SBNO1: variants seen among roughly 807,000 people sequenced by gnomAD.
SBNO1 encodes protein strawberry notch homolog 1.
In SBNO1, 23 loss-of-function variants were observed where a neutral mutation model predicts 173.6. That is an observed-to-expected ratio of 0.13 (90% CI 0.10 to 0.19). The LOEUF is 0.19. SBNO1 is among the 10% of genes least tolerant of loss of function. The pLI, the probability that SBNO1 is intolerant of heterozygous loss-of-function variation, is 1.00. For synonymous variants in SBNO1, 632 were observed against 571.5 expected (o/e 1.11, Z -1.51); for missense variants, 1,238 against 1,671.2 (o/e 0.74, Z 4.52).
In SBNO1 at chr12:123,328,618, T is replaced by C. The variant is rs1480042422; in HGVS notation, c.1296+116A>G. On this transcript the variant is annotated intron_variant, in intron 10 of 31. Coordinates refer to ENST00000602398, the MANE Select transcript of SBNO1 (RefSeq NM_001167856.3). Reference sequence around the variant, plus strand: ...AATCCCTTTGGACTCTAGGTAATCATTAAAGTTTTCACTCCAGCAACTCGT... The same window carrying C: ...AATCCCTTTGGACTCTAGGTAATCACTAAAGTTTTCACTCCAGCAACTCGT... 39 of 824,436 alleles carry C rather than the reference T, an allele frequency of 4.7e-5. 1 individual carries two copies. The highest frequency in any genetic ancestry group is 6.7e-5 in the Non-Finnish European group (38 of 566,580). The allele number at this position is 824,436 out of a possible 1,614,324, so 51.1% of individuals were successfully genotyped here.
At chr12:123,355,204 A>G (rs1047283822) in intron 1 of SBNO1, among the ~76,000 whole-genome samples, 16 of 152,048 alleles carry the variant, frequency 1.1e-4, no homozygotes, top group African/African-American at 3.9e-4. Context: ...TATTTTTAGT[A>G]GAGACAGGGT....
At chr12:123,316,658 T>C (rs1869309347) in intron 21 of SBNO1, among the ~76,000 whole-genome samples, 1 of 151,524 alleles carries the variant, frequency 6.6e-6, no homozygotes, top group Non-Finnish European at 1.5e-5. Flanking sequence ...TAGCTGGGAC[T>C]ACAGGCACAC....
intron 21 of SBNO1, 82 bp downstream of exon 21, chr12:123,317,139 A>G: frequency 6.8e-7 from 1 of 1,465,692 alleles, no homozygotes; most frequent in Non-Finnish European, 9.5e-7. Flanking sequence ...TGCCCGGCCT[A>G]AACCTAGGTT....
At chr12:123,321,963 G>C (rs980064953) in intron 16 of SBNO1, among the ~76,000 whole-genome samples, 5 of 152,134 alleles carry the variant, frequency 3.3e-5, no homozygotes, top group African/African-American at 1.2e-4. Flanking sequence ...AAAGTACTAA[G>C]TCAAGACTGC....
intron 7 of SBNO1, among the ~76,000 whole-genome samples, chr12:123,333,766 G>C (rs960275823): frequency 3.9e-5 from 6 of 152,024 alleles, no homozygotes; most frequent in Non-Finnish European, 8.8e-5. Flanking sequence ...CCAAACTGTT[G>C]GGATTGCAGA....
In SBNO1 at chr12:123,313,664, G is replaced by A. The variant is rs1868906356; in HGVS notation, c.3176C>T (p.Pro1059Leu). 1.2e-6 allele frequency: 2 copies of A among 1,608,964 alleles called. No individual in the cohort carries two copies. The highest frequency in any genetic ancestry group is 2.2e-5 in the East Asian group (1 of 44,856). ...VMKSIVNLDS[P>L]MVSPPPDYPG... ...ATAGTCTGGAGGTGGTGATACCATA[G>A]GAGAATCCAAGTTTACAATGGATTT... The change falls in exon 24 of 32, where the codon CCT (proline) becomes CTT (leucine). Residue 1059 changes from proline (P) to leucine (L), a missense_variant. Transcript: ENST00000602398.
Position 123,294,208 on chromosome 12 carries a change from C to T in SBNO1, c.*1700G>A, listed in dbSNP as rs1257328947. 2 of 133,774 alleles carry T rather than the reference C, an allele frequency of 1.5e-5. No individual in the cohort carries two copies. Among genetic ancestry groups the T allele is most frequent in the Non-Finnish European group, 1.7e-5 (1 of 60,390 alleles). The allele number at this position is 133,774 out of a possible 1,614,324, so 8.3% of individuals were successfully genotyped here. On this transcript the variant is annotated 3_prime_UTR_variant, in exon 32 of 32. Coordinates refer to ENST00000602398, the MANE Select transcript of SBNO1 (RefSeq NM_001167856.3). Reference sequence around the variant, plus strand: ...AATAAATAAATCCTAAGAAAACTTACGGTAAGCTTGACATAACCAAACTCA... The same window carrying T: ...AATAAATAAATCCTAAGAAAACTTATGGTAAGCTTGACATAACCAAACTCA...
At chr12:123,338,378 C>A (rs1165017094) in intron 5 of SBNO1, among the ~76,000 whole-genome samples, 1 of 151,882 alleles carries the variant, frequency 6.6e-6, no homozygotes, top group South Asian at 2.1e-4. Context: ...CATGGCAAAA[C>A]CCCGTCTCTA....
chr12:123,317,835 T>C (rs1260245319), intron 20 of SBNO1, among the ~76,000 whole-genome samples: 1 of 152,242 alleles, frequency 6.6e-6, no homozygotes, highest in Non-Finnish European at 1.5e-5. Context: ...TTTTCTGTTA[T>C]TTAACAACCA....
chr12:123,309,871 G>C lies in SBNO1; in HGVS notation c.3296-15C>G. On this transcript the variant is annotated splice_polypyrimidine_tract_variant and intron_variant, in intron 25 of 31. Transcript: ENST00000602398. The stretch of plus-strand genomic sequence containing the variant: ...GTTGTTATAATCTGTAATGACAAAA[G>C]ATAAACGTTTTCATGCAAATGATAA... 6.4e-7 allele frequency: 1 copy of C among 1,552,658 alleles called. No homozygotes were observed. The highest frequency in any genetic ancestry group is 8.7e-7 in the Non-Finnish European group (1 of 1,147,218).
intron 30 of SBNO1, among the ~76,000 whole-genome samples, chr12:123,299,196 G>GT (rs1279093857): frequency 1.3e-5 from 2 of 152,132 alleles, no homozygotes; most frequent in Admixed American, 1.3e-4. Flanking sequence ...GTGAAACCCT[G>GT]TCTCTATTAA....
At chr12:123,315,760 A>T (rs1374475890) in intron 21 of SBNO1, 100 bp from the exon 22 acceptor site, 1 of 665,004 alleles carries the variant, frequency 1.5e-6, no homozygotes, top group Non-Finnish European at 2.7e-6. Context: ...TGGTATTGGG[A>T]AACCACTAAA....
chr12:123,320,822 T>C lies in SBNO1; in HGVS notation c.2368A>G (p.Lys790Glu). 2 of 1,599,044 alleles carry C rather than the reference T, an allele frequency of 1.3e-6. No homozygotes were observed. The highest frequency in any genetic ancestry group is 8.5e-7 in the Non-Finnish European group (1 of 1,174,722). The change falls in exon 18 of 32, where the codon AAA becomes GAA. Residue 790 changes from lysine to glutamate, a missense_variant. Transcript: ENST00000602398. ...TCTGGATCTATACTTTTCTTCTTTT[T>C]TTTCTCTTTGTTTTTCTTGTGGTCT... ...RKDHKKNKEKKKKKSIDPDSI... is the reference protein window; with the variant it reads ...RKDHKKNKEKEKKKSIDPDSI...
At chr12:123,355,691 G>T (rs1171779393) in intron 1 of SBNO1, among the ~76,000 whole-genome samples, 1 of 152,128 alleles carries the variant, frequency 6.6e-6, no homozygotes. Context: ...GCTGAGGCAG[G>T]AGGATCCCTT....
Position 123,313,636 on chromosome 12 carries a change from A to T in SBNO1, c.3204T>A (p.Pro1068=). The change falls in exon 24 of 32, where the codon CCT becomes CCA. Residue 1068 remains proline (P), a synonymous_variant. Transcript: ENST00000602398. ...AGAAGTTACCTTTAAAAAATTCTCC[A>T]GGATAGTCTGGAGGTGGTGATACCA... ...SPMVSPPPDY[P]GEFFKDVRQG... is the part of the protein sequence containing the mutation. 6.4e-7 allele frequency: 1 copy of T among 1,574,652 alleles called. No individual in the cohort carries two copies. Among genetic ancestry groups the T allele is most frequent in the Non-Finnish European group, 8.7e-7 (1 of 1,146,586 alleles).
At chr12:123,314,280 C>A (rs183186762) in intron 23 of SBNO1, among the ~76,000 whole-genome samples, 1 of 151,846 alleles carries the variant, frequency 6.6e-6, no homozygotes, top group Non-Finnish European at 1.5e-5. Flanking sequence ...GGTTCTCCTG[C>A]CTCAGCCTCC....
At position 123,345,337 on chromosome 12, in the gene SBNO1, T is replaced by C. The variant is rs772082897; in HGVS notation, c.471A>G (p.Leu157=). 3.1e-6 allele frequency: 5 copies of C among 1,614,168 alleles called. No individual in the cohort carries two copies. The Admixed American group carries it at 6.7e-5, about 22-fold the overall frequency. ...PSKDQVQLKD[L]LKNNSLNELM... is the part of the protein sequence containing the mutation. ...GTTCATTAAGACTATTATTTTTCAG[T>C]AGATCTTTAAGCTGAACTTGGTCTT... The change falls in exon 4 of 32, where the codon CTA becomes CTG. Residue 157 remains leucine (L), a synonymous_variant. Coordinates refer to ENST00000602398, the MANE Select transcript of SBNO1 (RefSeq NM_001167856.3).
intron 1 of SBNO1, among the ~76,000 whole-genome samples, chr12:123,355,964 G>C (rs552904218): frequency 6.6e-6 from 1 of 152,304 alleles, no homozygotes; most frequent in African/African-American, 2.4e-5. Context: ...GAAGGATATA[G>C]TTCCCATTCA....
At chr12:123,315,339 C>G (rs1023515832) in intron 23 of SBNO1, 34 bp downstream of exon 23, 1 of 1,521,100 alleles carries the variant, frequency 6.6e-7, no homozygotes, top group African/African-American at 1.4e-5. Context: ...TACACTATCA[C>G]AAGTTTTCAG....
Sources: allele counts gnomAD v4.1 joint callset (sites outside exome capture counted in the v4.1 genomes callset), GRCh38; gene constraint gnomAD v4.1.1; transcripts MANE v1.5; gene names NCBI Gene and HGNC (gene_info 2026-07-23, HGNC 2026-07-21).